The following PTPRO variants were observed in gnomAD, a reference collection of about 807,000 sequenced individuals.
The protein encoded by PTPRO is receptor-type tyrosine-protein phosphatase O.
PTPRO carries 62 observed loss-of-function variants against 145.2 expected under a neutral mutation model. The ratio of observed to expected loss-of-function variants is 0.43; its 90% CI spans 0.35 to 0.53. The LOEUF (loss-of-function observed/expected upper bound fraction) is 0.53, where lower values mean the gene tolerates loss of function less well. PTPRO is among the 20% of genes least tolerant of loss of function. PTPRO has a pLI of 0.01. For missense variants in PTPRO, 1,345 were observed against 1,482.7 expected (o/e 0.91, Z 1.53); for synonymous variants, 565 against 514.7 (o/e 1.10, Z -1.32).
chr12:15,413,235 C>G (rs557071240), intron 1 of PTPRO, among the ~76,000 whole-genome samples: 17 of 152,020 alleles, frequency 1.1e-4, no homozygotes, highest in African/African-American at 3.6e-4. Flanking sequence ...GGACTACAGG[C>G]GCCTGCCACC....
intron 1 of PTPRO, among the ~76,000 whole-genome samples, chr12:15,416,809 C>T (rs1459922767): frequency 6.6e-6 from 1 of 150,770 alleles, no homozygotes; most frequent in Non-Finnish European, 1.5e-5. Flanking sequence ...TAAACAACTA[C>T]ACTTGGGATC....
chr12:15,555,256 G>C (rs1449565010), intron 15 of PTPRO, among the ~76,000 whole-genome samples: 4 of 152,004 alleles, frequency 2.6e-5, no homozygotes, highest in Non-Finnish European at 1.5e-5. Context: ...AAAAAAAATT[G>C]AGAGTTGTTA....
chr12:15,491,409 C>T (rs562559189), intron 2 of PTPRO, among the ~76,000 whole-genome samples: 7 of 152,230 alleles, frequency 4.6e-5, no homozygotes, highest in African/African-American at 1.7e-4. Context: ...ACAATATGTG[C>T]TCCACATTTG....
intron 1 of PTPRO, among the ~76,000 whole-genome samples, chr12:15,328,113 C>CAA (rs745813599): frequency 2.6e-5 from 3 of 117,420 alleles, no homozygotes; most frequent in Non-Finnish European, 3.7e-5. Context: ...AAACTTGTCT[C>CAA]AAAAAAAAAA....
intron 1 of PTPRO, among the ~76,000 whole-genome samples, chr12:15,349,522 C>T (rs1252959298): frequency 1.3e-5 from 2 of 152,330 alleles, no homozygotes; most frequent in East Asian, 3.9e-4. Context: ...TAATAGCCCC[C>T]ATTTATTGGA....
intron 18 of PTPRO, among the ~76,000 whole-genome samples, chr12:15,568,503 C>T (rs1482861961): frequency 6.6e-6 from 1 of 152,036 alleles, no homozygotes; most frequent in East Asian, 1.9e-4. Context: ...TAACACACCA[C>T]AAGACCAAGG....
At chr12:15,436,928 C>A (rs1363478075) in intron 1 of PTPRO, among the ~76,000 whole-genome samples, 2 of 152,090 alleles carry the variant, frequency 1.3e-5, no homozygotes, top group Non-Finnish European at 2.9e-5. Flanking sequence ...GCAGCCAGGG[C>A]CAGCTTGGCA....
intron 1 of PTPRO, among the ~76,000 whole-genome samples, chr12:15,334,472 G>C (rs1276982972): frequency 6.6e-6 from 1 of 152,136 alleles, no homozygotes; most frequent in Non-Finnish European, 1.5e-5. Flanking sequence ...AGATTTTCAA[G>C]TGACTAACAT....
intron 1 of PTPRO, among the ~76,000 whole-genome samples, chr12:15,387,897 G>A (rs1436227450): frequency 6.6e-6 from 1 of 152,112 alleles, no homozygotes; most frequent in Non-Finnish European, 1.5e-5. Flanking sequence ...TTGTCATGCT[G>A]GAATTCAAAG....
Position 15,597,774 on chromosome 12 carries a change from T to G in PTPRO, c.*1701T>G, listed in dbSNP as rs1235166046. On this transcript the variant is annotated 3_prime_UTR_variant, in exon 27 of 27. Transcript: ENST00000281171. ...TACTCACCTCCCTGCTACCACCTCC[T>G]CCTCTTCTTCTCACCCCCGACTCCT... Among the ~76,000 whole-genome samples the G allele has an allele frequency of 6.6e-6, 1 of 152,150 alleles. No homozygotes were observed. Among genetic ancestry groups the G allele is most frequent in the African/African-American group, 2.4e-5 (1 of 41,432 alleles).
intron 1 of PTPRO, among the ~76,000 whole-genome samples, chr12:15,472,815 A>G (rs994486131): frequency 2.7e-4 from 41 of 152,240 alleles, no homozygotes; most frequent in Admixed American, 7.2e-4. Flanking sequence ...CTCAGACCAA[A>G]TCAGGGAGTC....
intron 1 of PTPRO, among the ~76,000 whole-genome samples, chr12:15,439,164 A>G (rs1301800872): frequency 6.6e-6 from 1 of 152,200 alleles, no homozygotes; most frequent in African/African-American, 2.4e-5. Context: ...AGAATTCTAT[A>G]TCTCAACAAA....
chr12:15,421,515 C>T (rs549848301), intron 1 of PTPRO, among the ~76,000 whole-genome samples: 47 of 152,208 alleles, frequency 3.1e-4, no homozygotes, highest in Non-Finnish European at 6.5e-4. Context: ...GCAGTAAGTA[C>T]CAAATGCTGT....
chr12:15,435,775 G>T (rs1940579023), intron 1 of PTPRO, among the ~76,000 whole-genome samples: 1 of 152,192 alleles, frequency 6.6e-6, no homozygotes, highest in Non-Finnish European at 1.5e-5. Flanking sequence ...ACCATGGATA[G>T]CAGAACACTT....
At chr12:15,347,833 T>C (rs1458712745) in intron 1 of PTPRO, among the ~76,000 whole-genome samples, 1 of 152,162 alleles carries the variant, frequency 6.6e-6, no homozygotes, top group African/African-American at 2.4e-5. Flanking sequence ...GGCAGAGATC[T>C]AGAAAAAATA....
At chr12:15,412,668 T>C (rs1939831628) in intron 1 of PTPRO, among the ~76,000 whole-genome samples, 1 of 152,216 alleles carries the variant, frequency 6.6e-6, no homozygotes, top group Non-Finnish European at 1.5e-5. Flanking sequence ...GCAGAAAGAT[T>C]TACACTTTCA....
chr12:15,526,000 T>C, intron 11 of PTPRO, 142 bp from the exon 12 acceptor site: 2 of 1,105,776 alleles, frequency 1.8e-6, no homozygotes, highest in Non-Finnish European at 2.7e-6. Context: ...TCAGAAGATA[T>C]AACGTATCTA....
At chr12:15,511,019 A>AAAAAAAC (rs1265567107) in intron 7 of PTPRO, among the ~76,000 whole-genome samples, 4 of 151,742 alleles carry the variant, frequency 2.6e-5, no homozygotes, top group Admixed American at 6.6e-5. Context: ...AAAAAAAAAA[A>AAAAAAAC]AAATTGCCTA....
intron 26 of PTPRO, 157 bp downstream of exon 26, chr12:15,595,214 G>A (rs1944635295): frequency 3.1e-6 from 2 of 653,272 alleles, no homozygotes; most frequent in South Asian, 3.2e-5. Context: ...TGGTCACAGG[G>A]AGAAACAAGT....
Sources: gnomAD v4.1 joint callset for allele counts (sites outside exome capture counted in the v4.1 genomes callset) on GRCh38, gnomAD v4.1.1 for gene constraint, MANE v1.5 for transcripts, NCBI Gene and HGNC (gene_info 2026-07-23, HGNC 2026-07-21) for gene names.